The following LIMK2 variants were observed in gnomAD, a reference collection of about 807,000 sequenced individuals.
LIMK2 encodes LIM domain kinase 2.
LIMK2 carries 35 observed loss-of-function variants against 75.7 expected under a neutral mutation model. That is an observed-to-expected ratio of 0.46 (90% CI 0.35 to 0.61). The LOEUF (loss-of-function observed/expected upper bound fraction) is 0.61, where lower values mean the gene tolerates loss of function less well. LIMK2 is among the 20% of genes least tolerant of loss of function. The pLI, the probability that LIMK2 is intolerant of heterozygous loss-of-function variation, is 0.00. For synonymous variants in LIMK2, 301 were observed against 319.2 expected (o/e 0.94, Z 0.61); for missense variants, 623 against 831.0 (o/e 0.75, Z 3.08).
At chr22:31,267,320 T>C (rs1165982772) in intron 9 of LIMK2, among the ~76,000 whole-genome samples, 5 of 152,178 alleles carry the variant, frequency 3.3e-5, no homozygotes, top group African/African-American at 4.8e-5. Context: ...TCAGAAGAGC[T>C]CTCAGGTTAT....
At chr22:31,223,943 G>A (rs2048457877) in intron 1 of LIMK2, among the ~76,000 whole-genome samples, 1 of 152,186 alleles carries the variant, frequency 6.6e-6, no homozygotes, top group South Asian at 2.1e-4. Context: ...TACATTGGCT[G>A]CTCCAGAATG....
At chr22:31,265,898 G>A (rs1414673212) in intron 7 of LIMK2, 48 bp from the exon 8 acceptor site, 7 of 1,545,298 alleles carry the variant, frequency 4.5e-6, no homozygotes, top group Admixed American at 3.4e-5. Context: ...TTTCTTGGCC[G>A]GTCTCTGAGG....
intron 8 of LIMK2, among the ~76,000 whole-genome samples, chr22:31,266,461 C>T (rs923300058): frequency 2.0e-5 from 3 of 152,160 alleles, no homozygotes; most frequent in African/African-American, 7.2e-5. Flanking sequence ...GGGAATGGCT[C>T]CTGCCTCCCT....
At chr22:31,255,137 A>G (rs1324531491) in intron 2 of LIMK2, among the ~76,000 whole-genome samples, 2 of 152,140 alleles carry the variant, frequency 1.3e-5, no homozygotes, top group Non-Finnish European at 2.9e-5. Flanking sequence ...CACAGAGTTA[A>G]GGGGACCCAG....
At chr22:31,225,645 A>T in intron 1 of LIMK2, 75 bp from the exon 2 acceptor site, 1 of 1,076,144 alleles carries the variant, frequency 9.3e-7, no homozygotes, top group South Asian at 1.3e-5. Flanking sequence ...ACTCAGTCTT[A>T]TTCTACATGG....
intron 7 of LIMK2, among the ~76,000 whole-genome samples, chr22:31,263,249 G>A (rs1340598194): frequency 6.6e-6 from 1 of 152,200 alleles, no homozygotes; most frequent in Non-Finnish European, 1.5e-5. Context: ...CCATGGGGAA[G>A]GAGAAGTTGC....
At chr22:31,274,570 T>G (rs2048993212) in intron 14 of LIMK2, among the ~76,000 whole-genome samples, 1 of 152,012 alleles carries the variant, frequency 6.6e-6, no homozygotes, top group Non-Finnish European at 1.5e-5. Flanking sequence ...CTGGCTAATT[T>G]TTGTATTTTC....
chr22:31,239,623 TGTTATTCTCTTC>T (rs1410321504), intron 2 of LIMK2, among the ~76,000 whole-genome samples: 1 of 152,236 alleles, frequency 6.6e-6, no homozygotes, highest in Non-Finnish European at 1.5e-5. Context: ...CTTCTCTCTT[TGTTATTCTCTTC>T]GTTATTCTCT....
At position 31,279,481 on chromosome 22, in the gene LIMK2, A is replaced by T. The variant is rs1202671150; in HGVS notation, c.*1040A>T. ...GCTTGGGCTGGGAAGAGGTGGTGGCAGAGTCTCAAAGCTGAGATGCTGAGA... is the reference window on the plus strand; with the variant it reads ...GCTTGGGCTGGGAAGAGGTGGTGGCTGAGTCTCAAAGCTGAGATGCTGAGA... On this transcript the variant is annotated 3_prime_UTR_variant, in exon 16 of 16. Transcript: ENST00000331728. 2 of 152,252 alleles carry T rather than the reference A, an allele frequency of 1.3e-5. No individual in the cohort carries two copies. Among genetic ancestry groups the T allele is most frequent in the African/African-American group, 4.8e-5 (2 of 41,442 alleles). The allele number at this position is 152,252 out of a possible 1,614,324, so 9.4% of individuals were successfully genotyped here. A position where few individuals can be genotyped will look rare whatever the true frequency, so the allele number is the denominator to read the frequency against.
At chr22:31,263,672 T>C (rs1318807665) in intron 7 of LIMK2, among the ~76,000 whole-genome samples, 1 of 146,724 alleles carries the variant, frequency 6.8e-6, no homozygotes, top group Non-Finnish European at 1.5e-5. Context: ...AGACACTGTC[T>C]CTACAAAAAA....
intron 2 of LIMK2, among the ~76,000 whole-genome samples, chr22:31,257,816 C>T (rs189986201): frequency 3.9e-5 from 6 of 152,134 alleles, no homozygotes; most frequent in South Asian, 2.1e-4. Context: ...ACATTGGTAA[C>T]GCTGTTGGTG....
intron 2 of LIMK2, among the ~76,000 whole-genome samples, chr22:31,226,178 C>CTTATT (rs144244697): frequency 0.14 from 20,611 of 145,892 alleles, 1,688 homozygotes; most frequent in East Asian, 0.33. Context: ...TGTTTGTATT[C>CTTATT]TTATTTTATT....
intron 2 of LIMK2, among the ~76,000 whole-genome samples, chr22:31,243,458 C>T (rs542427103): frequency 2.2e-4 from 34 of 152,266 alleles, no homozygotes; most frequent in African/African-American, 6.3e-4. Flanking sequence ...AGCTTTCTTC[C>T]GACAAAAGGT....
At chr22:31,265,292 G>GC (rs1479237906) in intron 7 of LIMK2, among the ~76,000 whole-genome samples, 1 of 151,942 alleles carries the variant, frequency 6.6e-6, no homozygotes, top group African/African-American at 2.4e-5. Context: ...CTTGAACCTG[G>GC]AAGGCGGAGG....
At chr22:31,215,644 T>C (rs1366237774) in intron 1 of LIMK2, among the ~76,000 whole-genome samples, 3 of 152,128 alleles carry the variant, frequency 2.0e-5, no homozygotes, top group Non-Finnish European at 4.4e-5. Flanking sequence ...TTAATAAGTA[T>C]TTGTGGAAAT....
intron 15 of LIMK2, among the ~76,000 whole-genome samples, chr22:31,277,830 A>G (rs2049047685): frequency 6.6e-6 from 1 of 152,154 alleles, no homozygotes; most frequent in Non-Finnish European, 1.5e-5. Flanking sequence ...CAAGACAAGT[A>G]AAGACGATTG....
intron 2 of LIMK2, chr22:31,230,144 T>C (rs1172357532): frequency 6.6e-6 from 1 of 151,544 alleles, no homozygotes; most frequent in African/African-American, 2.4e-5. Flanking sequence ...GATCAATTAC[T>C]TGTAAACACT....
chr22:31,231,358 T>C (rs527478102), intron 2 of LIMK2, among the ~76,000 whole-genome samples: 5 of 152,376 alleles, frequency 3.3e-5, no homozygotes, highest in South Asian at 4.1e-4. Flanking sequence ...TCTGCTGTTA[T>C]GCTGTTGATG....
chr22:31,246,883 C>T, intron 2 of LIMK2, among the ~76,000 whole-genome samples: 1 of 152,150 alleles, frequency 6.6e-6, no homozygotes, highest in Non-Finnish European at 1.5e-5. Flanking sequence ...ACGTTTCCTC[C>T]TTTTACTGGC....
Sources: allele counts gnomAD v4.1 joint callset (sites outside exome capture counted in the v4.1 genomes callset), GRCh38; gene constraint gnomAD v4.1.1; transcripts MANE v1.5; gene names NCBI Gene and HGNC (gene_info 2026-07-23, HGNC 2026-07-21).